KCNIP1: variants seen among roughly 807,000 people sequenced by gnomAD.
KCNIP1 encodes the protein A-type potassium channel modulatory protein KCNIP1.
Under a neutral mutation model 33.0 loss-of-function variants are expected in KCNIP1, and 18 were observed. The ratio of observed to expected loss-of-function variants is 0.55; its 90% CI spans 0.38 to 0.81. The LOEUF (loss-of-function observed/expected upper bound fraction) is 0.81, where lower values mean the gene tolerates loss of function less well. KCNIP1 is among the 30% of genes least tolerant of loss of function. The pLI is 0.00. For synonymous variants in KCNIP1, 93 were observed against 98.3 expected, an observed-to-expected ratio of 0.95 and a Z score of 0.32; for missense variants, 238 against 271.6, an observed-to-expected ratio of 0.88 and a Z score of 0.87.
At chr5:170,621,883 G>A (rs1759615803) in intron 1 of KCNIP1, among the ~76,000 whole-genome samples, 1 of 152,152 alleles carries the variant, frequency 6.6e-6, no homozygotes, top group South Asian at 2.1e-4. Flanking sequence ...GAGGAGAAGA[G>A]AGATGGAACG....
chr5:170,537,146 G>A (rs35941144), intron 1 of KCNIP1, among the ~76,000 whole-genome samples: 36,925 of 151,906 alleles, frequency 0.24, 5,920 homozygotes, highest in African/African-American at 0.46. Flanking sequence ...ATCTAAATGT[G>A]GCTTCTAGAA....
intron 1 of KCNIP1, among the ~76,000 whole-genome samples, chr5:170,676,231 TGGGA>T: frequency 7.9e-6 from 1 of 126,516 alleles, no homozygotes; most frequent in African/African-American, 2.8e-5. Flanking sequence ...GGATTACAGG[TGGGA>T]GGGAGGGAGG....
chr5:170,610,626 A>T (rs1408725448), intron 1 of KCNIP1, among the ~76,000 whole-genome samples: 1 of 152,132 alleles, frequency 6.6e-6, no homozygotes, highest in Non-Finnish European at 1.5e-5. Flanking sequence ...AATTCCCTTA[A>T]TTCCCTCCCT....
At chr5:170,710,358 T>C (rs1763403481) in intron 1 of KCNIP1, among the ~76,000 whole-genome samples, 1 of 152,270 alleles carries the variant, frequency 6.6e-6, no homozygotes, top group Admixed American at 6.5e-5. Context: ...TCTGGTTCTC[T>C]GGTGGAATTA....
rs192401580 is a variant in KCNIP1 at position 170,423,646 on chromosome 5, A to G, written c.88+69682A>G. Among the ~76,000 whole-genome samples the G allele has an allele frequency of 2.0e-3, 303 of 152,344 alleles. 1 individual carries two copies. Among genetic ancestry groups the G allele is most frequent in the Middle Eastern group, 6.8e-3 (2 of 294 alleles). ...GAGGATCCCCAGCTTGGCTACCTGC[A>G]GCTCACAGCATATTGGAAAAATTTT... On this transcript the variant is annotated intron_variant, in intron 1 of 7. Coordinates refer to the KCNIP1 transcript ENST00000377360.
chr5:170,682,474 A>T (rs1031757671), intron 1 of KCNIP1, among the ~76,000 whole-genome samples: 2 of 151,994 alleles, frequency 1.3e-5, no homozygotes, highest in Non-Finnish European at 1.5e-5. Flanking sequence ...AAATTTAGTG[A>T]CTCTATGACC....
intron 1 of KCNIP1, among the ~76,000 whole-genome samples, chr5:170,631,573 A>C (rs1760052506): frequency 1.3e-5 from 2 of 152,248 alleles, no homozygotes; most frequent in South Asian, 4.1e-4. Context: ...TCTCCTGCAC[A>C]GAAGGGAAGC....
In KCNIP1 at chr5:170,504,096, G is replaced by T; in HGVS notation, c.-477G>T. On this transcript the variant is annotated 5_prime_UTR_variant, in exon 1 of 8. Coordinates refer to ENST00000328939, the MANE Select transcript of KCNIP1 (RefSeq NM_014592.4). This position sits in a 1 kb window ranked among gnomAD's most constrained non-coding sequence, Gnocchi z 6.0. Reference sequence around the variant, plus strand: ...TGTGGCTCCGCGCCGCGCGGTCCGGGCTCTGTTCATTCATGATTGGTACTC... The same window carrying T: ...TGTGGCTCCGCGCCGCGCGGTCCGGTCTCTGTTCATTCATGATTGGTACTC... 9.1e-6 allele frequency: 9 copies of T among 986,420 alleles called. No homozygotes were observed. The highest frequency in any genetic ancestry group is 9.6e-6 in the Non-Finnish European group (8 of 830,788). The allele number at this position is 986,420 out of a possible 1,614,324, so 61.1% of individuals were successfully genotyped here.
intron 1 of KCNIP1, among the ~76,000 whole-genome samples, chr5:170,564,254 G>A (rs979988462): frequency 2.0e-5 from 3 of 152,156 alleles, no homozygotes; most frequent in Non-Finnish European, 4.4e-5. Context: ...ATTAAAAACT[G>A]TACTCGTGTT....
chr5:170,539,309 CT>C (rs1756108989), intron 1 of KCNIP1, among the ~76,000 whole-genome samples: 1 of 152,168 alleles, frequency 6.6e-6, no homozygotes, highest in Non-Finnish European at 1.5e-5. Context: ...GACATTTCCT[CT>C]GGTCCTTGGA....
intron 1 of KCNIP1, among the ~76,000 whole-genome samples, chr5:170,526,830 C>A (rs1004300669): frequency 1.7e-4 from 25 of 148,504 alleles, no homozygotes; most frequent in African/African-American, 6.2e-4. Flanking sequence ...TCCAGTGATT[C>A]TCCTGCCTCA....
At chr5:170,637,420 C>T (rs1197021636) in intron 1 of KCNIP1, among the ~76,000 whole-genome samples, 5 of 152,158 alleles carry the variant, frequency 3.3e-5, no homozygotes, top group Admixed American at 6.5e-5. Flanking sequence ...GTGCTGTACA[C>T]GCCTCTGCAC....
intron 1 of KCNIP1, among the ~76,000 whole-genome samples, chr5:170,528,766 A>G (rs1268124051): frequency 6.6e-6 from 1 of 152,164 alleles, no homozygotes; most frequent in East Asian, 1.9e-4. Flanking sequence ...TTCTAAATGG[A>G]CTTTAGACCA....
chr5:170,474,277 A>G (rs1488983555), intron 1 of KCNIP1, among the ~76,000 whole-genome samples: 1 of 152,032 alleles, frequency 6.6e-6, no homozygotes, highest in Non-Finnish European at 1.5e-5. Flanking sequence ...GAACTCCACC[A>G]TCTCCGAGAA....
intron 1 of KCNIP1, among the ~76,000 whole-genome samples, chr5:170,380,498 C>T (rs1203768052): frequency 2.0e-5 from 3 of 152,254 alleles, no homozygotes; most frequent in Admixed American, 1.3e-4. Flanking sequence ...CTGGAAGCTG[C>T]CTGCCCTGAG....
intron 1 of KCNIP1, among the ~76,000 whole-genome samples, chr5:170,400,473 A>G (rs561298478): frequency 5.9e-5 from 9 of 152,288 alleles, no homozygotes; most frequent in African/African-American, 2.2e-4. Context: ...ACCCCCCACC[A>G]GGTCCCTCCC....
At chr5:170,607,820 G>A (rs4867616) in intron 1 of KCNIP1, among the ~76,000 whole-genome samples, 62,200 of 151,982 alleles carry the variant, frequency 0.41, 13,004 homozygotes, top group Admixed American at 0.53. Flanking sequence ...GGAGGGCAGC[G>A]ATCCCTAAGG....
At chr5:170,583,907 G>A (rs916517080) in intron 1 of KCNIP1, among the ~76,000 whole-genome samples, 4 of 152,146 alleles carry the variant, frequency 2.6e-5, no homozygotes, top group Admixed American at 6.5e-5. Flanking sequence ...GTGATACTTT[G>A]ATACCAGCAT....
chr5:170,683,724 G>GTT (rs772987083), intron 1 of KCNIP1, among the ~76,000 whole-genome samples: 8 of 144,812 alleles, frequency 5.5e-5, no homozygotes, highest in African/African-American at 1.0e-4. Flanking sequence ...TATTTTTAAG[G>GTT]TTTTTTTTTT....
Sources: allele counts gnomAD v4.1 joint callset (sites outside exome capture counted in the v4.1 genomes callset), GRCh38; gene constraint gnomAD v4.1.1; non-coding constraint Gnocchi (gnomAD v3.1); transcripts MANE v1.5; gene names NCBI Gene and HGNC (gene_info 2026-07-23, HGNC 2026-07-21).